IDO1: variants seen among roughly 807,000 people sequenced by gnomAD.
The protein encoded by IDO1 is indoleamine 2,3-dioxygenase 1, also known as indolamine 2,3 dioxygenase.
In IDO1, 35 loss-of-function variants were observed where a neutral mutation model predicts 38.8. That is an observed-to-expected ratio of 0.90 (90% CI 0.69 to 1.20). The LOEUF is 1.20. Among genes scored for constraint, IDO1 ranks in the 50% most tolerant of loss-of-function variants. IDO1 has a pLI of 0.00. For missense variants in IDO1, 509 were observed against 485.1 expected (o/e 1.05, Z -0.46); for synonymous variants, 171 against 170.0 (o/e 1.01, Z -0.05).
In IDO1 at chr8:39,918,090, A is replaced by G. The variant is rs1162371482; in HGVS notation, c.186A>G (p.Leu62=). 3.0e-5 allele frequency: 49 copies of G among 1,613,854 alleles called. No homozygotes were observed. Among genetic ancestry groups the G allele is most frequent in the Non-Finnish European group, 3.8e-5 (45 of 1,179,860 alleles). Residue 62 remains leucine (L), a splice_region_variant and synonymous_variant, in exon 3 of 10, where the codon TTA becomes TTG. Transcript: ENST00000518237. ...SGQLRERVEK[L]NMLSIDHLTD... ...TCAATTGCTCCATTTGTTTTCAGTT[A>G]AACATGCTCAGCATTGATCATCTCA...
At chr8:39,917,201 A>G (rs1310000651) in intron 1 of IDO1, among the ~76,000 whole-genome samples, 1 of 152,238 alleles carries the variant, frequency 6.6e-6, no homozygotes, top group Admixed American at 6.5e-5. Context: ...TCTAGCCAAG[A>G]TAAACCAAAG....
chr8:39,925,312 A>G lies in IDO1; in HGVS notation c.797A>G (p.Gln266Arg). The G allele has an allele frequency of 6.2e-7, 1 of 1,613,250 alleles. No homozygotes were observed. Among genetic ancestry groups the G allele is most frequent in the Non-Finnish European group, 8.5e-7 (1 of 1,179,646 alleles). Residue 266 changes from glutamine (Q) to arginine (R), a missense_variant, in exon 9 of 10, where the codon CAA (glutamine) becomes CGA (arginine). Transcript: ENST00000518237. ...PKEFAGGSAG[Q>R]SSVFQCFDVL... The stretch of plus-strand genomic sequence containing the variant: ...GAGTTTGCAGGGGGCAGTGCAGGCC[A>G]AAGCAGCGTCTTTCAGTGCTTTGAC...
intron 6 of IDO1, chr8:39,923,045 A>T: frequency 4.7e-6 from 1 of 213,538 alleles, no homozygotes; most frequent in Non-Finnish European, 9.3e-6. Flanking sequence ...TAAGGAAATT[A>T]GTCAAATAGA....
chr8:39,918,103 A>G lies in IDO1; in HGVS notation c.199A>G (p.Ile67Val), dbSNP rs1376341000. The G allele has an allele frequency of 6.2e-7, 1 of 1,613,996 alleles. No individual in the cohort carries two copies. Among genetic ancestry groups the G allele is most frequent in the Non-Finnish European group, 8.5e-7 (1 of 1,179,874 alleles). The change falls in exon 3 of 10, where the codon ATT (isoleucine) becomes GTT (valine). Residue 67 changes from isoleucine to valine, a missense_variant. Transcript: ENST00000518237. ...ERVEKLNMLSIDHLTDHKSQR... is the reference protein window; with the variant it reads ...ERVEKLNMLSVDHLTDHKSQR... ...TTGTTTTCAGTTAAACATGCTCAGC[A>G]TTGATCATCTCACAGACCACAAGTC...
intron 9 of IDO1, among the ~76,000 whole-genome samples, chr8:39,926,698 T>A (rs902338222): frequency 3.3e-5 from 5 of 152,212 alleles, no homozygotes; most frequent in Admixed American, 2.0e-4. Context: ...TTAACTTTTT[T>A]ATTTTAGATT....
chr8:39,923,402 TCAAA>T (rs1563416623), intron 6 of IDO1, 63 bp from the exon 7 acceptor site: 4 of 705,926 alleles, frequency 5.7e-6, no homozygotes, highest in African/African-American at 4.4e-5. Flanking sequence ...AGACTCCGTC[TCAAA>T]AAAAAAAAAA....
chr8:39,914,139 T>A (rs1253743000), intron 1 of IDO1, 130 bp downstream of exon 1: 8 of 639,530 alleles, frequency 1.3e-5, no homozygotes, highest in Non-Finnish European at 2.2e-5. Flanking sequence ...TGTGTAAAAA[T>A]TAGAGAGCTG....
intron 5 of IDO1, among the ~76,000 whole-genome samples, chr8:39,921,309 G>A (rs962396456): frequency 3.3e-5 from 5 of 151,934 alleles, no homozygotes; most frequent in East Asian, 3.9e-4. Flanking sequence ...AAAAATTAGC[G>A]GGGCATGGTG....
intron 1 of IDO1, among the ~76,000 whole-genome samples, chr8:39,917,366 C>T (rs534982249): frequency 2.0e-5 from 3 of 152,190 alleles, no homozygotes; most frequent in African/African-American, 7.2e-5. Context: ...CATGGTGGCT[C>T]ATGCCTGTAA....
chr8:39,925,842 C>G (rs1807351057), intron 9 of IDO1, among the ~76,000 whole-genome samples: 1 of 151,596 alleles, frequency 6.6e-6, no homozygotes. Flanking sequence ...CAAGATCGTG[C>G]TACTGTACTC....
intron 6 of IDO1, chr8:39,922,943 T>C (rs1807296723): frequency 2.8e-6 from 1 of 360,296 alleles, no homozygotes; most frequent in Non-Finnish European, 5.0e-6. Flanking sequence ...TAGTTTTGAT[T>C]ATCAAAAATA....
chr8:39,920,262 T>C (rs2129592254), intron 5 of IDO1, 148 bp downstream of exon 5: 1 of 612,328 alleles, frequency 1.6e-6, no homozygotes, highest in East Asian at 2.8e-5. Flanking sequence ...GAACAAATAA[T>C]CTCAGTCTTT....
intron 3 of IDO1, among the ~76,000 whole-genome samples, chr8:39,918,579 C>G (rs1440244635): frequency 2.0e-5 from 3 of 151,790 alleles, no homozygotes; most frequent in Non-Finnish European, 2.9e-5. Context: ...AACCCCATCT[C>G]TACTAAAAAT....
At chr8:39,925,799 G>A (rs1313875205) in intron 9 of IDO1, among the ~76,000 whole-genome samples, 3 of 151,900 alleles carry the variant, frequency 2.0e-5, no homozygotes, top group African/African-American at 7.3e-5. Flanking sequence ...CAGGAGAATC[G>A]CCTGAACCCC....
Position 39,913,898 on chromosome 8 carries a change from G to A in IDO1, c.-25G>A. On this transcript the variant is annotated 5_prime_UTR_variant, in exon 1 of 10. Coordinates refer to ENST00000518237, the MANE Select transcript of IDO1 (RefSeq NM_002164.6). ...TCTGAAAACTCTTCAGACACTGAGGGGCACCAGAGGAGCAGACTACAAGAA... is the reference window on the plus strand; with the variant it reads ...TCTGAAAACTCTTCAGACACTGAGGAGCACCAGAGGAGCAGACTACAAGAA... 6.6e-6 allele frequency: 10 copies of A among 1,513,142 alleles called. No homozygotes were observed. The highest frequency in any genetic ancestry group is 8.1e-6 in the Non-Finnish European group (9 of 1,112,246). The allele number at this position is 1,513,142 out of a possible 1,614,324, so 93.7% of individuals were successfully genotyped here.
chr8:39,919,004 T>C, intron 4 of IDO1, 71 bp downstream of exon 4: 2 of 957,762 alleles, frequency 2.1e-6, no homozygotes, highest in Non-Finnish European at 3.4e-6. Flanking sequence ...GGTTGTTCAT[T>C]GGCTTAATTT....
rs556527396 is a variant in IDO1, at chr8:39,922,857, C to A, written c.537+206C>A. On this transcript the variant is annotated intron_variant, in intron 6 of 9. Coordinates refer to ENST00000518237, the MANE Select transcript of IDO1 (RefSeq NM_002164.6). ...TCAGAGCCATATACTTAAAATCCAA[C>A]TTGAAACCTCTGTAGGAGATAAAAA... 5.9e-5 allele frequency: 34 copies of A among 573,464 alleles called. No homozygotes were observed. The African/African-American group carries it at 6.0e-4, about 10-fold the overall frequency. The allele number at this position is 573,464 out of a possible 1,614,324, so 35.5% of individuals were successfully genotyped here.
chr8:39,916,041 C>T (rs1807170192), intron 1 of IDO1, among the ~76,000 whole-genome samples: 1 of 151,954 alleles, frequency 6.6e-6, no homozygotes, highest in African/African-American at 2.4e-5. Flanking sequence ...TGGCATACAC[C>T]TGTAATCCTC....
Position 39,927,901 on chromosome 8 carries a change from TTAGAGTCAA to T in IDO1, c.929_937del (p.Leu310_Asn313delinsTyr), listed in dbSNP as rs1807391779. The T allele has an allele frequency of 6.2e-7, 1 of 1,606,456 alleles. No individual in the cohort carries two copies. Among genetic ancestry groups the T allele is most frequent in the African/African-American group, 1.3e-5 (1 of 74,760 alleles). ...AGCTCACAGGAACTTCCTGTGCTCATTAGAGTCAAATCCCTCAGTCCGTGAGTTTGTCCT... is the reference window on the plus strand; with the variant it reads ...AGCTCACAGGAACTTCCTGTGCTCATATCCCTCAGTCCGTGAGTTTGTCCT... On this transcript the variant is annotated inframe_deletion, in exon 10 of 10. Transcript: ENST00000518237.
Sources: gnomAD v4.1 joint callset for allele counts (sites outside exome capture counted in the v4.1 genomes callset) on GRCh38, gnomAD v4.1.1 for gene constraint, MANE v1.5 for transcripts, NCBI Gene and HGNC (gene_info 2026-07-23, HGNC 2026-07-21) for gene names.